WDPCP: variants seen among roughly 807,000 people sequenced by gnomAD.
WDPCP encodes the protein WD repeat-containing and planar cell polarity effector protein fritz homolog.
WDPCP carries 71 observed loss-of-function variants against 93.1 expected under a neutral mutation model. The observed-to-expected ratio is 0.76, with a 90% CI of 0.63 to 0.93. The LOEUF (loss-of-function observed/expected upper bound fraction) is 0.93, where lower values mean the gene tolerates loss of function less well. WDPCP is among the 40% of genes least tolerant of loss of function. The pLI, the probability that WDPCP is intolerant of heterozygous loss-of-function variation, is 0.00. For synonymous variants in WDPCP, 315 were observed against 315.0 expected, an observed-to-expected ratio of 1.00 and a Z score of 0.00; for missense variants, 844 against 887.4, an observed-to-expected ratio of 0.95 and a Z score of 0.62.
chr2:63,336,132 C>T (rs953760088), intron 12 of WDPCP, among the ~76,000 whole-genome samples: 1 of 152,146 alleles, frequency 6.6e-6, no homozygotes, highest in Admixed American at 6.5e-5. Flanking sequence ...TCTTTTATTC[C>T]TTTACTTTTT....
At chr2:63,426,007 C>T (rs893982698) in intron 9 of WDPCP, among the ~76,000 whole-genome samples, 11 of 152,132 alleles carry the variant, frequency 7.2e-5, no homozygotes, top group African/African-American at 1.9e-4. Flanking sequence ...AAGGGAACTA[C>T]GTCAGGCTAG....
intron 6 of WDPCP, chr2:63,441,780 T>C (rs1200448482): frequency 6.6e-6 from 1 of 152,164 alleles, no homozygotes. Context: ...TATTCTACCA[T>C]GGGTCAGTTG....
In WDPCP at chr2:63,818,338, C is replaced by T. The variant is rs190555491; in HGVS notation, n.223-4631G>A. The stretch of plus-strand genomic sequence containing the variant: ...AAGCTATCAGCCAGAAAGGGCTTTC[C>T]GTTGCCTTTAGAATAAAAACCACAA... On this transcript the variant is annotated intron_variant and non_coding_transcript_variant, in intron 1 of 4. Coordinates refer to the WDPCP transcript ENST00000467687. Among the ~76,000 whole-genome samples the T allele has an allele frequency of 2.0e-4, 31 of 152,282 alleles. No homozygotes were observed. The South Asian group carries it at 2.5e-3, about 12-fold the overall frequency.
chr2:63,160,946 A>G (rs1356357549), intron 15 of WDPCP, among the ~76,000 whole-genome samples: 1 of 152,214 alleles, frequency 6.6e-6, no homozygotes, highest in Non-Finnish European at 1.5e-5. Flanking sequence ...AATTTCCCCA[A>G]ATTTGCTTAT....
intron 13 of WDPCP, among the ~76,000 whole-genome samples, chr2:63,284,211 T>C (rs1683805575): frequency 6.6e-6 from 1 of 152,228 alleles, no homozygotes; most frequent in South Asian, 2.1e-4. Context: ...GTTGTCATGT[T>C]CTTACACTAT....
chr2:63,766,829 C>T (rs951993373), intron 2 of WDPCP, among the ~76,000 whole-genome samples: 6 of 152,102 alleles, frequency 3.9e-5, no homozygotes, highest in Non-Finnish European at 7.4e-5. Context: ...GCACCATCAC[C>T]ACCATATAAC....
chr2:63,752,117 G>T, intron 2 of WDPCP: 1 of 609,430 alleles, frequency 1.6e-6, no homozygotes, highest in Non-Finnish European at 3.0e-6. Context: ...TCACAGGTGT[G>T]GCCATTCACA....
intron 3 of WDPCP, among the ~76,000 whole-genome samples, chr2:63,639,846 T>C (rs1709961585): frequency 6.6e-6 from 1 of 152,200 alleles, no homozygotes. Flanking sequence ...CACTCACACA[T>C]TGCTGGTAGG....
intron 15 of WDPCP, 114 bp from the exon 16 acceptor site, chr2:63,153,688 A>T: frequency 1.6e-6 from 1 of 612,090 alleles, no homozygotes; most frequent in Non-Finnish European, 2.6e-6. Flanking sequence ...CTGGGTTAAA[A>T]AATGTAATTA....
In WDPCP at chr2:63,366,509, C is replaced by T. The variant is rs561866910; in HGVS notation, c.1748+11877G>A. 1.9e-4 allele frequency among the ~76,000 whole-genome samples: 17 copies of T among 89,860 alleles called. 1 individual carries two copies. Among genetic ancestry groups the T allele is most frequent in the African/African-American group, 9.1e-4 (16 of 17,624 alleles). The allele number at this position is 89,860 out of a possible 152,430, so 59.0% of individuals were successfully genotyped here. ...ACTGTCATCAATAATAGTTAGCACT[C>T]ATTGTGCCCTTATTATCTATCTATC... On this transcript the variant is annotated intron_variant, in intron 12 of 17. Coordinates refer to ENST00000272321, the MANE Select transcript of WDPCP (RefSeq NM_015910.7).
chr2:63,550,771 GTGCATATGTACATATATATGTA>G (rs1705567151), intron 1 of WDPCP, among the ~76,000 whole-genome samples: 2 of 124,042 alleles, frequency 1.6e-5, no homozygotes, highest in South Asian at 2.7e-4. Context: ...ACATATATAT[GTGCATATGTACATATATATGTA>G]TATATATATA....
intron 14 of WDPCP, among the ~76,000 whole-genome samples, chr2:63,222,224 G>A (rs566395329): frequency 6.6e-6 from 1 of 152,298 alleles, no homozygotes; most frequent in Non-Finnish European, 1.5e-5. Flanking sequence ...ATGGACTTAA[G>A]AACATCACCA....
chr2:63,132,120 G>A (rs1469690411), intron 17 of WDPCP, among the ~76,000 whole-genome samples: 1 of 152,048 alleles, frequency 6.6e-6, no homozygotes, highest in Non-Finnish European at 1.5e-5. Flanking sequence ...ACAAGTGTGA[G>A]CCATCACACC....
chr2:63,355,513 G>T (rs1309050163), intron 12 of WDPCP, among the ~76,000 whole-genome samples: 1 of 152,042 alleles, frequency 6.6e-6, no homozygotes, highest in African/African-American at 2.4e-5. Flanking sequence ...AAACACACAG[G>T]GCAGTGTCAC....
chr2:63,242,574 A>G (rs778153247), intron 14 of WDPCP, among the ~76,000 whole-genome samples: 2 of 152,154 alleles, frequency 1.3e-5, no homozygotes, highest in Admixed American at 6.6e-5. Flanking sequence ...GTGAGCTATG[A>G]TGGCGCCACT....
chr2:63,433,257 G>A (rs1439231889), intron 9 of WDPCP, among the ~76,000 whole-genome samples: 2 of 152,166 alleles, frequency 1.3e-5, no homozygotes, highest in Non-Finnish European at 2.9e-5. Context: ...TTTAACTAAT[G>A]TTTGTTAATT....
intron 2 of WDPCP, among the ~76,000 whole-genome samples, chr2:63,709,371 C>T (rs991410297): frequency 2.6e-5 from 4 of 152,074 alleles, no homozygotes; most frequent in African/African-American, 9.7e-5. Flanking sequence ...TACCCTCAGT[C>T]CCATCCCCTT....
chr2:63,135,491 C>T (rs1263583482), intron 17 of WDPCP, among the ~76,000 whole-genome samples: 2 of 151,214 alleles, frequency 1.3e-5, no homozygotes, highest in African/African-American at 4.9e-5. Context: ...GTCACCACGC[C>T]CAGCTAATTT....
intron 1 of WDPCP, among the ~76,000 whole-genome samples, chr2:63,523,803 C>T (rs1403012313): frequency 4.6e-5 from 7 of 152,090 alleles, no homozygotes; most frequent in South Asian, 2.1e-4. Flanking sequence ...CCCAGCTACT[C>T]GGGAGGCTGA....
Sources: allele counts gnomAD v4.1 joint callset (sites outside exome capture counted in the v4.1 genomes callset), GRCh38; gene constraint gnomAD v4.1.1; transcripts MANE v1.5; gene names NCBI Gene and HGNC (gene_info 2026-07-23, HGNC 2026-07-21).